MIA2: variants seen among roughly 807,000 people sequenced by gnomAD.
MIA2 encodes melanoma inhibitory activity protein 2.
Under a neutral mutation model 167.8 loss-of-function variants are expected in MIA2, and 127 were observed. The observed-to-expected ratio is 0.76, with a 90% CI of 0.66 to 0.88. The LOEUF is 0.88. MIA2 is among the 40% of genes least tolerant of loss of function. The pLI is 0.00. For missense variants in MIA2, 1,690 were observed against 1,624.7 expected, an observed-to-expected ratio of 1.04 and a Z score of -0.69; for synonymous variants, 552 against 541.9, an observed-to-expected ratio of 1.02 and a Z score of -0.26.
intron 25 of MIA2, among the ~76,000 whole-genome samples, chr14:39,327,562 C>T (rs2067833801): frequency 6.6e-6 from 1 of 152,014 alleles, no homozygotes; most frequent in South Asian, 2.1e-4. Flanking sequence ...ATAATAACTG[C>T]CATTCAACAG....
chr14:39,281,423 C>T (rs1205162787), intron 9 of MIA2, among the ~76,000 whole-genome samples: 1 of 152,050 alleles, frequency 6.6e-6, no homozygotes, highest in Non-Finnish European at 1.5e-5. Flanking sequence ...CTTTAACTTC[C>T]ATGTTGCCAA....
chr14:39,263,104 G>A (rs1288674806), intron 6 of MIA2, among the ~76,000 whole-genome samples: 1 of 152,166 alleles, frequency 6.6e-6, no homozygotes, highest in African/African-American at 2.4e-5. Flanking sequence ...AGTTTTCAAA[G>A]GGAATGCTTC....
At chr14:39,325,928 T>G (rs1459908698) in intron 24 of MIA2, among the ~76,000 whole-genome samples, 1 of 151,834 alleles carries the variant, frequency 6.6e-6, no homozygotes, top group African/African-American at 2.4e-5. Flanking sequence ...TGGCCAGGCT[T>G]GTCTCAAATT....
At chr14:39,307,421 A>ATTTTT (rs2063528613) in intron 17 of MIA2, among the ~76,000 whole-genome samples, 1 of 92,164 alleles carries the variant, frequency 1.1e-5, no homozygotes, top group African/African-American at 4.9e-5. Flanking sequence ...TTTTTTTTGG[A>ATTTTT]GACAGGGTCT....
chr14:39,287,429 C>G (rs919114969), intron 9 of MIA2, among the ~76,000 whole-genome samples: 2 of 151,894 alleles, frequency 1.3e-5, no homozygotes, highest in African/African-American at 4.8e-5. Flanking sequence ...TGCTTTGTAC[C>G]AGATCTTAAT....
chr14:39,371,269 A>G (rs1186094920), intron 23 of MIA2, among the ~76,000 whole-genome samples: 2 of 152,212 alleles, frequency 1.3e-5, no homozygotes, highest in East Asian at 3.8e-4. Flanking sequence ...GGATAAGTTT[A>G]GGAATGTATT....
At chr14:39,271,830 G>A (rs754789811) in intron 6 of MIA2, among the ~76,000 whole-genome samples, 27 of 151,772 alleles carry the variant, frequency 1.8e-4, no homozygotes, top group Non-Finnish European at 3.4e-4. Context: ...TTAGGCATGC[G>A]GACCCCAGAG....
intron 23 of MIA2, among the ~76,000 whole-genome samples, chr14:39,357,404 G>C (rs887147739): frequency 1.3e-5 from 2 of 151,984 alleles, no homozygotes; most frequent in African/African-American, 2.4e-5. Flanking sequence ...CCATTTGCTT[G>C]GTATATCTTC....
intron 25 of MIA2, among the ~76,000 whole-genome samples, chr14:39,329,698 A>G (rs1327765555): frequency 1.3e-5 from 2 of 151,532 alleles, no homozygotes; most frequent in South Asian, 2.1e-4. Flanking sequence ...GATTTTATCA[A>G]AGGCCTTTTC....
At chr14:39,293,862 CTAAA>C (rs1415698463) in intron 11 of MIA2, 134 bp from the exon 12 acceptor site, 52 of 662,644 alleles carry the variant, frequency 7.8e-5, no homozygotes, top group Middle Eastern at 2.7e-4. Flanking sequence ...TAGCATATGG[CTAAA>C]TAAACTGAGA....
Position 39,293,256 on chromosome 14 carries a change from G to T in MIA2, c.2209-15G>T. 1 of 1,529,640 alleles carries T rather than the reference G, an allele frequency of 6.5e-7. No homozygotes were observed. Among genetic ancestry groups the T allele is most frequent in the Non-Finnish European group, 9.0e-7 (1 of 1,109,404 alleles). The allele number at this position is 1,529,640 out of a possible 1,614,324, so 94.8% of individuals were successfully genotyped here. Reference sequence around the variant, plus strand: ...ATTCTTATATCTGTTTAATAAAGTTGGCTTTCTCTCTTAGGCAACCTGTGA... The same window carrying T: ...ATTCTTATATCTGTTTAATAAAGTTTGCTTTCTCTCTTAGGCAACCTGTGA... On this transcript the variant is annotated splice_polypyrimidine_tract_variant and intron_variant, in intron 10 of 28. Coordinates refer to ENST00000640607, the MANE Select transcript of MIA2 (RefSeq NM_001329214.4).
rs73277460 is a variant in MIA2 at position 39,293,371 on chromosome 14, A to G, written c.2309A>G (p.Gln770Arg). 3.4e-3 allele frequency: 5,358 copies of G among 1,578,592 alleles called. 167 individuals carry two copies. In the African/African-American group the frequency reaches 0.063, roughly 19 times the overall value. Residue 770 changes from glutamine (Q) to arginine (R), a missense_variant, in exon 11 of 29, where the codon CAA (glutamine) becomes CGA (arginine). Gln to Arg is a conservative substitution (Grantham distance 43). Transcript: ENST00000640607. ...LKEEKSKHSE[Q>R]DELMADISKR... ...GAAGAGAAATCCAAACATTCTGAAC[A>G]AGATGAATTGGTAAGGCTTTTTTAT... is the stretch of plus-strand genomic sequence containing the variant.
At chr14:39,368,784 T>C (rs1159606313) in intron 23 of MIA2, among the ~76,000 whole-genome samples, 3 of 151,938 alleles carry the variant, frequency 2.0e-5, no homozygotes, top group Admixed American at 2.0e-4. Flanking sequence ...GTCATTCTCT[T>C]GAAATTTTTT....
chr14:39,324,767 CA>C (rs1262843570), intron 24 of MIA2, among the ~76,000 whole-genome samples: 1 of 151,994 alleles, frequency 6.6e-6, no homozygotes, highest in African/African-American at 2.4e-5. Context: ...CCACTGTACC[CA>C]GCTAATTTTT....
chr14:39,369,314 G>C (rs1029428002), intron 23 of MIA2, among the ~76,000 whole-genome samples: 1 of 152,184 alleles, frequency 6.6e-6, no homozygotes, highest in Non-Finnish European at 1.5e-5. Context: ...AATTTCTTTA[G>C]GGAAGATCTG....
chr14:39,279,770 C>T (rs955826902), intron 9 of MIA2, among the ~76,000 whole-genome samples: 7 of 152,124 alleles, frequency 4.6e-5, no homozygotes, highest in Admixed American at 6.5e-5. Context: ...CTGATGAGGT[C>T]GAGCACACAA....
intron 23 of MIA2, among the ~76,000 whole-genome samples, chr14:39,381,908 C>T (rs2139366316): frequency 6.6e-6 from 1 of 152,248 alleles, no homozygotes; most frequent in Non-Finnish European, 1.5e-5. Flanking sequence ...CTACTGAGCT[C>T]TTAATGGTAA....
chr14:39,307,385 A>G (rs1257788369), intron 17 of MIA2, among the ~76,000 whole-genome samples: 3 of 143,402 alleles, frequency 2.1e-5, no homozygotes, highest in African/African-American at 7.8e-5. Flanking sequence ...ACAAAAGTTA[A>G]AAGAATTTTT....
At chr14:39,261,030 T>G (rs61998537) in intron 6 of MIA2, among the ~76,000 whole-genome samples, 45,845 of 151,740 alleles carry the variant, frequency 0.3, 8,599 homozygotes, top group African/African-American at 0.54. Flanking sequence ...GGGGTACATG[T>G]GCACAACATG....
Sources: allele counts gnomAD v4.1 joint callset (sites outside exome capture counted in the v4.1 genomes callset), GRCh38; gene constraint gnomAD v4.1.1; transcripts MANE v1.5; gene names NCBI Gene and HGNC (gene_info 2026-07-23, HGNC 2026-07-21).